Variants in ZNF773 observed in about 807,000 individuals in gnomAD.
ZNF773 encodes zinc finger protein 419B.
In ZNF773, 11 loss-of-function variants were observed where a neutral mutation model predicts 12.8. The observed-to-expected ratio is 0.86, with a 90% CI of 0.54 to 1.42. The LOEUF (loss-of-function observed/expected upper bound fraction) is 1.42. Ranked by LOEUF, ZNF773 falls within the 40% of genes most tolerant of loss-of-function variation. ZNF773 has a pLI of 0.00. For missense variants in ZNF773, 518 were observed against 527.2 expected, an observed-to-expected ratio of 0.98 and a Z score of 0.17; for synonymous variants, 175 against 178.4, an observed-to-expected ratio of 0.98 and a Z score of 0.15.
downstream of ZNF773, among the ~76,000 whole-genome samples, chr19:57,511,787 A>G (rs185268729): frequency 3.9e-5 from 6 of 152,262 alleles, no homozygotes; most frequent in South Asian, 6.2e-4. Flanking sequence ...CAGAAGAAGG[A>G]ATAATCAATT....
downstream of ZNF773, chr19:57,513,127 C>T (rs532160973): frequency 3.5e-6 from 5 of 1,427,662 alleles, no homozygotes; most frequent in South Asian, 6.5e-5. Flanking sequence ...AACCCCAGGA[C>T]AAGTCTGCTG....
chr19:57,504,853 G>A lies in ZNF773; in HGVS notation c.163+67G>A, dbSNP rs187739807. 774 of 1,573,854 alleles carry A rather than the reference G, an allele frequency of 4.9e-4. 10 individuals are homozygous for A. The highest frequency in any genetic ancestry group is 1.5e-3 in the Middle Eastern group (9 of 5,990). On this transcript the variant is annotated intron_variant, in intron 2 of 3. Coordinates refer to ENST00000282292, the MANE Select transcript of ZNF773 (RefSeq NM_198542.3). The stretch of plus-strand genomic sequence containing the variant: ...TGGCTTTTCCTCCTTTTCCTAGGGA[G>A]AGGTCTGTTCTTCCCAAAGCTGAAC...
intron 3 of ZNF773, among the ~76,000 whole-genome samples, chr19:57,506,141 C>T (rs2089729813): frequency 6.6e-6 from 1 of 152,148 alleles, no homozygotes; most frequent in South Asian, 2.1e-4. Flanking sequence ...TTGTGCTACA[C>T]CACATCCTTG....
chr19:57,508,248 A>G (rs554288970), downstream of ZNF773: 9 of 1,185,368 alleles, frequency 7.6e-6, no homozygotes, highest in African/African-American at 1.3e-4. Context: ...TGGAGGCAGG[A>G]TGAGAATTCC....
downstream of ZNF773, among the ~76,000 whole-genome samples, chr19:57,511,195 T>C (rs975805): frequency 0.21 from 31,250 of 151,420 alleles, 3,342 homozygotes; most frequent in African/African-American, 0.25. Flanking sequence ...GGACTACAGG[T>C]ACCCGCCACC....
rs543441519 is a variant in ZNF773 at position 57,504,057 on chromosome 19, G to A, written c.34-600G>A. Among the ~76,000 whole-genome samples, 5 of 152,302 alleles carry A rather than the reference G, an allele frequency of 3.3e-5. No individual in the cohort carries two copies. The East Asian group carries it at 5.8e-4, about 18-fold the overall frequency. ...GAGTGCCACAGGTGTCCAGATATGC[G>A]TGCAGTTCCAAGTAGCTGAAGGTGA... On this transcript the variant is annotated intron_variant, in intron 1 of 3. Transcript: ENST00000282292.
intron 2 of ZNF773, chr19:57,504,999 T>C: frequency 1.2e-6 from 1 of 858,206 alleles, no homozygotes; most frequent in Non-Finnish European, 1.9e-6. Context: ...GGTTTGGGGG[T>C]CAGGAGTCTT....
At chr19:57,510,823 G>C (rs1031515295), downstream of ZNF773, among the ~76,000 whole-genome samples, 2 of 152,014 alleles carry the variant, frequency 1.3e-5, no homozygotes, top group African/African-American at 2.4e-5. Flanking sequence ...AAACATTCCT[G>C]AGAGACATTA....
chr19:57,509,495 G>C (rs949635616), downstream of ZNF773, among the ~76,000 whole-genome samples: 1 of 152,154 alleles, frequency 6.6e-6, no homozygotes, highest in Non-Finnish European at 1.5e-5. Flanking sequence ...GCTGTTTTCT[G>C]GTTGTGGCAG....
At chr19:57,500,788 C>T (rs2089660688) in intron 1 of ZNF773, among the ~76,000 whole-genome samples, 1 of 152,064 alleles carries the variant, frequency 6.6e-6, no homozygotes, top group Non-Finnish European at 1.5e-5. Context: ...CCTGAGATGT[C>T]CCAGAGTGGA....
At chr19:57,510,607 A>T (rs958455123), downstream of ZNF773, among the ~76,000 whole-genome samples, 1 of 152,168 alleles carries the variant, frequency 6.6e-6, no homozygotes, top group African/African-American at 2.4e-5. Flanking sequence ...ATTGTCTACT[A>T]AAAAGCTACT....
At chr19:57,511,200 G>A (rs1396806793), downstream of ZNF773, among the ~76,000 whole-genome samples, 9 of 151,682 alleles carry the variant, frequency 5.9e-5, no homozygotes, top group South Asian at 2.1e-4. Context: ...ACAGGTACCC[G>A]CCACCTCTCC....
intron 1 of ZNF773, among the ~76,000 whole-genome samples, chr19:57,501,375 C>G (rs2089668911): frequency 6.6e-6 from 1 of 151,752 alleles, no homozygotes; most frequent in South Asian, 2.1e-4. Flanking sequence ...GCCACTGCAC[C>G]CAGGCAGAAA....
downstream of ZNF773, chr19:57,516,007 G>A (rs7343116): frequency 0.21 from 31,759 of 152,724 alleles, 3,447 homozygotes; most frequent in African/African-American, 0.25. Context: ...GGAAAGGCCC[G>A]GTAGACTTAC....
chr19:57,516,576 C>T (rs7508150), downstream of ZNF773: 31,536 of 152,078 alleles, frequency 0.21, 3,390 homozygotes, highest in African/African-American at 0.25. Flanking sequence ...ATCACTCAAC[C>T]GCAGTTGCCT....
At chr19:57,502,216 A>G (rs2089678861) in intron 1 of ZNF773, among the ~76,000 whole-genome samples, 1 of 152,222 alleles carries the variant, frequency 6.6e-6, no homozygotes, top group Non-Finnish European at 1.5e-5. Flanking sequence ...TGCTGGGATT[A>G]TAGACATGAG....
At chr19:57,501,287 T>C (rs188527354) in intron 1 of ZNF773, among the ~76,000 whole-genome samples, 1 of 150,910 alleles carries the variant, frequency 6.6e-6, no homozygotes, top group East Asian at 1.9e-4. Context: ...CTTTCTTTTT[T>C]TTTTTTTTTT....
rs1345466838 is a variant in ZNF773 at position 57,505,521 on chromosome 19, A to G, written c.262+121A>G. Reference sequence around the variant, plus strand: ...AGGCAAGGTGTCGTCGCTGATTTCTATCTTTTCTTCCTCAGTCACCCATTT... The same window carrying G: ...AGGCAAGGTGTCGTCGCTGATTTCTGTCTTTTCTTCCTCAGTCACCCATTT... On this transcript the variant is annotated intron_variant, in intron 3 of 3. Coordinates refer to ENST00000282292, the MANE Select transcript of ZNF773 (RefSeq NM_198542.3). 16 of 1,146,848 alleles carry G rather than the reference A, an allele frequency of 1.4e-5. No individual in the cohort carries two copies. In the South Asian group the frequency reaches 1.8e-4, roughly 13 times the overall value. The allele number at this position is 1,146,848 out of a possible 1,614,324, so 71.0% of individuals were successfully genotyped here.
At position 57,504,764 on chromosome 19, in the gene ZNF773, C is replaced by G; in HGVS notation, c.141C>G (p.Asn47Lys). 1 of 1,613,602 alleles carries G rather than the reference C, an allele frequency of 6.2e-7. No individual in the cohort carries two copies. The highest frequency in any genetic ancestry group is 2.2e-5 in the East Asian group (1 of 44,818). Residue 47 changes from asparagine (N) to lysine (K), a missense_variant, in exon 2 of 4, where the codon AAC becomes AAG. Transcript: ENST00000282292. ...RLLYRNVMLE[N>K]FTLLASLGLA... ...TCTACCGCAATGTGATGCTGGAGAA[C>G]TTTACACTTCTGGCCTCTCTGGGTA...
Sources: gnomAD v4.1 joint callset for allele counts (sites outside exome capture counted in the v4.1 genomes callset) on GRCh38, gnomAD v4.1.1 for gene constraint, MANE v1.5 for transcripts, NCBI Gene and HGNC (gene_info 2026-07-23, HGNC 2026-07-21) for gene names.